SLC22A2: variants seen among roughly 807,000 people sequenced by gnomAD.
SLC22A2 encodes the protein organic cation transporter 2.
A neutral mutation model predicts 60.5 loss-of-function variants in SLC22A2; 46 were observed. That is an observed-to-expected ratio of 0.76 (90% CI 0.60 to 0.97). The LOEUF (loss-of-function observed/expected upper bound fraction) is 0.97. SLC22A2 is among the 50% of genes least tolerant of loss of function. SLC22A2 has a pLI of 0.00. For missense variants in SLC22A2, 701 were observed against 706.6 expected, an observed-to-expected ratio of 0.99 and a Z score of 0.09; for synonymous variants, 303 against 267.0, an observed-to-expected ratio of 1.13 and a Z score of -1.31.
At position 160,227,384 on chromosome 6, in the gene SLC22A2, T is replaced by A. The variant is rs554062259; in HGVS notation, c.1502-2580A>T. 2.6e-5 allele frequency among the ~76,000 whole-genome samples: 4 copies of A among 152,306 alleles called. No homozygotes were observed. The East Asian group carries it at 7.7e-4, about 29-fold the overall frequency. On this transcript the variant is annotated intron_variant, in intron 9 of 10. Coordinates refer to ENST00000366953, the MANE Select transcript of SLC22A2 (RefSeq NM_003058.4). ...TTTCAAGCAATTGCCAATCAGAAAA[T>A]CTTTGAATCCACCTATGACCTGGAA... is the stretch of plus-strand genomic sequence containing the variant.
At chr6:160,249,727 A>G (rs377451878) in intron 3 of SLC22A2, among the ~76,000 whole-genome samples, 1 of 152,256 alleles carries the variant, frequency 6.6e-6, no homozygotes, top group African/African-American at 2.4e-5. Context: ...TGAATCAAAC[A>G]TTAAATTTAG....
At chr6:160,221,446 C>T (rs992551103) in intron 10 of SLC22A2, among the ~76,000 whole-genome samples, 1 of 152,204 alleles carries the variant, frequency 6.6e-6, no homozygotes, top group African/African-American at 2.4e-5. Flanking sequence ...TTTCATTTCT[C>T]ATTTGTAGCA....
At chr6:160,234,297 TG>T (rs1319695623) in intron 9 of SLC22A2, among the ~76,000 whole-genome samples, 1 of 152,224 alleles carries the variant, frequency 6.6e-6, no homozygotes, top group Non-Finnish European at 1.5e-5. Flanking sequence ...GCCTGTTTGG[TG>T]GGCTCTTCAC....
rs780206957 is a variant in SLC22A2, at chr6:160,258,662, G to C, written c.96C>G (p.Thr32=). ...MFFLLALLSA[T]FAPIYVGIVF... ...CGATGCCCACGTAGATGGGCGCGAA[G>C]GTAGCCGAGAGCAGAGCCAAGAGGA... Residue 32 remains threonine (T), a synonymous_variant, in exon 1 of 11, where the codon ACC becomes ACG. Coordinates refer to ENST00000366953, the MANE Select transcript of SLC22A2 (RefSeq NM_003058.4). The C allele has an allele frequency of 6.2e-7, 1 of 1,613,734 alleles. No individual in the cohort carries two copies. Among genetic ancestry groups the C allele is most frequent in the Non-Finnish European group, 8.5e-7 (1 of 1,179,834 alleles).
intron 10 of SLC22A2, 49 bp downstream of exon 10, chr6:160,224,656 G>T: frequency 2.5e-6 from 3 of 1,195,642 alleles, no homozygotes; most frequent in Non-Finnish European, 3.6e-6. Flanking sequence ...CTATAGGGTT[G>T]TCTTAAAACC....
In SLC22A2 at chr6:160,242,730, C is replaced by T. The variant is rs148322211; in HGVS notation, c.1280-328G>A. On this transcript the variant is annotated intron_variant, in intron 7 of 10. Transcript: ENST00000366953. Reference sequence around the variant, plus strand: ...CATTCCACCCCCCACTGCCCATCATCGACATTCTCCACAGAGTGGTATGTT... The same window carrying T: ...CATTCCACCCCCCACTGCCCATCATTGACATTCTCCACAGAGTGGTATGTT... Among the ~76,000 whole-genome samples the T allele has an allele frequency of 5.3e-5, 8 of 152,190 alleles. No individual in the cohort carries two copies. In the East Asian group the frequency reaches 9.7e-4, roughly 18 times the overall value.
intron 2 of SLC22A2, among the ~76,000 whole-genome samples, chr6:160,255,109 C>T (rs528391754): frequency 4.6e-5 from 7 of 152,274 alleles, no homozygotes; most frequent in South Asian, 2.1e-4. Flanking sequence ...TGATTTAATG[C>T]GTCATCTTTA....
At position 160,247,251 on chromosome 6, in the gene SLC22A2, G is replaced by A. The variant is rs8177513; in HGVS notation, c.890C>T (p.Ala297Val). 6.2e-7 allele frequency: 1 copy of A among 1,613,554 alleles called. No individual in the cohort carries two copies. Among genetic ancestry groups the A allele is most frequent in the Non-Finnish European group, 8.5e-7 (1 of 1,179,614 alleles). Residue 297 changes from alanine to valine, a missense_variant, in exon 5 of 11, where the codon GCT (alanine) becomes GTT (valine). Ala to Val is a moderately conservative substitution (Grantham distance 64). Transcript: ENST00000366953. ...PRWLISQNKN[A>V]EAMRIIKHIA... ...GTGCTTAATGATTCTCATGGCTTCA[G>A]CATTCTTATTCTGGGAGATCAGCCA...
At position 160,249,080 on chromosome 6, in the gene SLC22A2, T is replaced by C. The variant is rs373509466; in HGVS notation, c.842+136A>G. On this transcript the variant is annotated intron_variant, in intron 4 of 10. Transcript: ENST00000366953. ...TGGTTTTTATTCCTGAAACATGGAATTGGGCTCTTTGTGAAATGGGTCTGG... is the reference window on the plus strand; with the variant it reads ...TGGTTTTTATTCCTGAAACATGGAACTGGGCTCTTTGTGAAATGGGTCTGG... 17 of 545,080 alleles carry C rather than the reference T, an allele frequency of 3.1e-5. No homozygotes were observed. The South Asian group carries it at 3.6e-4, about 12-fold the overall frequency. 33.8% of individuals were successfully genotyped at this position (545,080 alleles called of 1,614,324 possible).
chr6:160,258,001 AG>A, intron 1 of SLC22A2: 2 of 248,274 alleles, frequency 8.1e-6, no homozygotes, highest in Non-Finnish European at 1.5e-5. Context: ...GGAGGAATAG[AG>A]GGGGAGGTAA....
chr6:160,252,075 C>T (rs1783193996), intron 2 of SLC22A2, among the ~76,000 whole-genome samples: 2 of 152,116 alleles, frequency 1.3e-5, no homozygotes, highest in Admixed American at 1.3e-4. Flanking sequence ...AACCCATCAC[C>T]TAGGTAACGA....
chr6:160,247,162 G>C (rs1489682469), intron 5 of SLC22A2, 22 bp downstream of exon 5: 1 of 1,329,416 alleles, frequency 7.5e-7, no homozygotes, highest in South Asian at 1.2e-5. Context: ...CCCCTGATTT[G>C]ATACTTAAGG....
At position 160,258,587 on chromosome 6, in the gene SLC22A2, G is replaced by A. The variant is rs775546553; in HGVS notation, c.171C>T (p.Ala57=). 30 of 1,613,872 alleles carry A rather than the reference G, an allele frequency of 1.9e-5. No homozygotes were observed. Among genetic ancestry groups the A allele is most frequent in the Non-Finnish European group, 2.0e-5 (24 of 1,179,894 alleles). Residue 57 remains alanine, a synonymous_variant, in exon 1 of 11, where the codon GCC becomes GCT. Coordinates refer to ENST00000366953, the MANE Select transcript of SLC22A2 (RefSeq NM_003058.4). ...TCCAGCCGCAGCGCAGACTCAGCTCGGCCACTCCGGGGCTCCGGCAGCGGT... is the reference window on the plus strand; with the variant it reads ...TCCAGCCGCAGCGCAGACTCAGCTCAGCCACTCCGGGGCTCCGGCAGCGGT... ...PDHRCRSPGV[A]ELSLRCGWSP...
At chr6:160,241,641 C>G (rs1229019407) in intron 8 of SLC22A2, 55 bp from the exon 9 acceptor site, 2 of 1,071,112 alleles carry the variant, frequency 1.9e-6, no homozygotes, top group Non-Finnish European at 2.9e-6. Flanking sequence ...CAGTAGTTAT[C>G]TCCCATCCAC....
chr6:160,238,031 A>G (rs1384861631), intron 9 of SLC22A2, among the ~76,000 whole-genome samples: 1 of 152,274 alleles, frequency 6.6e-6, no homozygotes, highest in Non-Finnish European at 1.5e-5. Flanking sequence ...TAATTAAGAA[A>G]TAACCATAAA....
intron 1 of SLC22A2, among the ~76,000 whole-genome samples, chr6:160,257,164 ATTAC>A (rs1783288066): frequency 6.6e-6 from 1 of 152,224 alleles, no homozygotes; most frequent in Non-Finnish European, 1.5e-5. Flanking sequence ...AAACTGGGTA[ATTAC>A]TTATAGACAA....
intron 10 of SLC22A2, among the ~76,000 whole-genome samples, chr6:160,220,655 C>T (rs1002730433): frequency 1.3e-5 from 2 of 152,108 alleles, no homozygotes; most frequent in African/African-American, 4.8e-5. Context: ...CAAAACTACT[C>T]CTTGATCCAT....
intron 10 of SLC22A2, 23 bp downstream of exon 10, chr6:160,224,682 A>G: frequency 2.6e-6 from 4 of 1,519,854 alleles, no homozygotes; most frequent in African/African-American, 2.7e-5. Flanking sequence ...AGAACAATTC[A>G]TTTAGAACTT....
chr6:160,258,112 A>C, intron 1 of SLC22A2: 1 of 549,784 alleles, frequency 1.8e-6, no homozygotes, highest in South Asian at 2.6e-5. Flanking sequence ...TGGGACATGC[A>C]CAAACTAGAA....
Sources: allele counts gnomAD v4.1 joint callset (sites outside exome capture counted in the v4.1 genomes callset), GRCh38; gene constraint gnomAD v4.1.1; transcripts MANE v1.5; gene names NCBI Gene and HGNC (gene_info 2026-07-23, HGNC 2026-07-21).